The following ATRNL1 variants were observed in gnomAD, a reference collection of about 807,000 sequenced individuals.
The protein encoded by ATRNL1 is attractin like 1, also known as attractin-like protein 1.
ATRNL1 carries 95 observed loss-of-function variants against 182.7 expected under a neutral mutation model. The observed-to-expected ratio is 0.52, with a 90% CI of 0.44 to 0.62. The LOEUF is 0.62. Ranked by LOEUF, ATRNL1 falls within the 20% of genes least tolerant of loss-of-function variation. The probability of loss-of-function intolerance (pLI) is 0.00; values close to 1 mark genes in which losing one functional copy is unlikely to be tolerated. For missense variants in ATRNL1, 1,471 were observed against 1,679.5 expected, an observed-to-expected ratio of 0.88 and a Z score of 2.17; for synonymous variants, 576 against 568.3, an observed-to-expected ratio of 1.01 and a Z score of -0.19.
At chr10:115,691,658 GT>G (rs1946397732) in intron 26 of ATRNL1, among the ~76,000 whole-genome samples, 1 of 152,146 alleles carries the variant, frequency 6.6e-6, no homozygotes, top group Non-Finnish European at 1.5e-5. Flanking sequence ...GGAAGCATAA[GT>G]TGCAGTGAGC....
intron 13 of ATRNL1, among the ~76,000 whole-genome samples, chr10:115,272,897 A>G (rs188232220): frequency 2.0e-5 from 3 of 152,346 alleles, no homozygotes; most frequent in Admixed American, 6.5e-5. Context: ...GCAATTCTGT[A>G]TGGAATACCA....
intron 28 of ATRNL1, among the ~76,000 whole-genome samples, chr10:115,900,358 T>A (rs976533041): frequency 2.0e-5 from 3 of 152,236 alleles, no homozygotes; most frequent in Non-Finnish European, 4.4e-5. Context: ...AAGATTTCTT[T>A]AATATAAATC....
intron 10 of ATRNL1, among the ~76,000 whole-genome samples, chr10:115,244,837 T>G (rs2133826851): frequency 6.6e-6 from 1 of 152,336 alleles, no homozygotes; most frequent in East Asian, 1.9e-4. Context: ...TTATTGACTA[T>G]GTTTTTTTCT....
intron 3 of ATRNL1, among the ~76,000 whole-genome samples, chr10:115,124,985 G>A (rs529303146): frequency 2.6e-5 from 4 of 152,210 alleles, no homozygotes; most frequent in South Asian, 4.1e-4. Flanking sequence ...GACTTTCATC[G>A]TGAGTAAAAG....
chr10:115,542,689 G>C (rs11197284), intron 25 of ATRNL1, among the ~76,000 whole-genome samples: 106,489 of 152,028 alleles, frequency 0.7, 38,404 homozygotes, highest in African/African-American at 0.79. Flanking sequence ...GTGTCTTAGT[G>C]TGCTTGGGCT....
intron 24 of ATRNL1, among the ~76,000 whole-genome samples, chr10:115,502,937 G>T (rs928611949): frequency 1.3e-5 from 2 of 152,078 alleles, no homozygotes. Context: ...CCTCCTCTGC[G>T]ATAGTTTTTG....
At chr10:115,440,216 T>G (rs782562990) in intron 21 of ATRNL1, among the ~76,000 whole-genome samples, 1 of 151,884 alleles carries the variant, frequency 6.6e-6, no homozygotes, top group East Asian at 1.9e-4. Context: ...GGGCTTACCT[T>G]GTACTTTCCC....
chr10:115,447,202 A>G (rs1227816961), intron 21 of ATRNL1, among the ~76,000 whole-genome samples: 7 of 151,862 alleles, frequency 4.6e-5, no homozygotes, highest in Non-Finnish European at 8.8e-5. Flanking sequence ...TATATATTTC[A>G]TAGTATATAG....
At chr10:115,231,060 C>T (rs537245299) in intron 9 of ATRNL1, among the ~76,000 whole-genome samples, 3 of 151,922 alleles carry the variant, frequency 2.0e-5, no homozygotes, top group Non-Finnish European at 2.9e-5. Context: ...GTTTTAGACA[C>T]GTTTAATTTG....
At chr10:115,880,460 C>T (rs1223465704) in intron 28 of ATRNL1, among the ~76,000 whole-genome samples, 3 of 152,120 alleles carry the variant, frequency 2.0e-5, no homozygotes, top group Non-Finnish European at 4.4e-5. Flanking sequence ...CCAGTCTCTA[C>T]TAATAAAAAT....
chr10:115,366,968 A>G (rs1422857177), intron 19 of ATRNL1, among the ~76,000 whole-genome samples: 1 of 138,664 alleles, frequency 7.2e-6, no homozygotes, highest in Admixed American at 7.1e-5. Flanking sequence ...CCTTCATTTC[A>G]ACTTTGGTGA....
intron 19 of ATRNL1, among the ~76,000 whole-genome samples, chr10:115,378,964 T>TAG (rs1857830764): frequency 6.6e-6 from 1 of 152,220 alleles, no homozygotes; most frequent in Admixed American, 6.5e-5. Context: ...GGGATGGGCA[T>TAG]AGGAACATAA....
chr10:115,521,923 C>T (rs1414552899), intron 25 of ATRNL1, among the ~76,000 whole-genome samples: 3 of 151,958 alleles, frequency 2.0e-5, no homozygotes, highest in African/African-American at 7.3e-5. Context: ...TTATGGAGAC[C>T]CCTCAATCAG....
intron 24 of ATRNL1, among the ~76,000 whole-genome samples, chr10:115,509,884 C>G (rs1850301909): frequency 6.6e-6 from 1 of 151,970 alleles, no homozygotes; most frequent in Non-Finnish European, 1.5e-5. Context: ...GGAAAGAATT[C>G]ATCATTCTAA....
chr10:115,893,297 C>T (rs1417852740), intron 28 of ATRNL1, among the ~76,000 whole-genome samples: 1 of 152,102 alleles, frequency 6.6e-6, no homozygotes, highest in Non-Finnish European at 1.5e-5. Flanking sequence ...AGTTGATAGT[C>T]TATCGCTGGG....
chr10:115,400,862 A>G (rs182960596), intron 20 of ATRNL1, among the ~76,000 whole-genome samples: 5 of 152,122 alleles, frequency 3.3e-5, no homozygotes, highest in Admixed American at 3.3e-4. Context: ...TTTCTTGAAG[A>G]CAGCATACCA....
chr10:115,807,770 T>C (rs1423886572), intron 27 of ATRNL1, among the ~76,000 whole-genome samples: 1 of 152,242 alleles, frequency 6.6e-6, no homozygotes, highest in Admixed American at 6.5e-5. Context: ...TTAATAGCGT[T>C]AACAAATTTT....
At chr10:115,291,864 G>A (rs1394085349) in intron 15 of ATRNL1, among the ~76,000 whole-genome samples, 2 of 138,058 alleles carry the variant, frequency 1.4e-5, no homozygotes, top group Non-Finnish European at 3.1e-5. Context: ...TCAGTGTTAT[G>A]CTGACCTCAT....
chr10:115,749,309 AACTC>A (rs1948381300), intron 27 of ATRNL1, among the ~76,000 whole-genome samples: 1 of 151,910 alleles, frequency 6.6e-6, no homozygotes, highest in East Asian at 1.9e-4. Flanking sequence ...AAACAAAGAA[AACTC>A]ACTAATTCTT....
Sources: gnomAD v4.1 joint callset for allele counts (sites outside exome capture counted in the v4.1 genomes callset) on GRCh38, gnomAD v4.1.1 for gene constraint, MANE v1.5 for transcripts, NCBI Gene and HGNC (gene_info 2026-07-23, HGNC 2026-07-21) for gene names.